The following EVC2 variants were observed in gnomAD, a reference collection of about 807,000 sequenced individuals.
EVC2 encodes the protein limbin.
A neutral mutation model predicts 149.3 loss-of-function variants in EVC2; 148 were observed. The observed-to-expected ratio is 0.99, with a 90% CI of 0.87 to 1.14. The LOEUF is 1.14. EVC2 is among the 50% of genes most tolerant of loss of function. EVC2 has a pLI of 0.00. For synonymous variants in EVC2, 776 were observed against 649.9 expected (o/e 1.19, Z -2.95); for missense variants, 1,854 against 1,627.3 (o/e 1.14, Z -2.40).
At chr4:5,566,704 G>A (rs899282474) in intron 20 of EVC2, among the ~76,000 whole-genome samples, 9 of 152,094 alleles carry the variant, frequency 5.9e-5, no homozygotes, top group Non-Finnish European at 1.2e-4. Flanking sequence ...TCATGCCCAT[G>A]GTGACATTGA....
chr4:5,530,271 T>C, the EVC2 span, among the ~76,000 whole-genome samples: 2 of 152,198 alleles, frequency 1.3e-5, no homozygotes, highest in Non-Finnish European at 2.9e-5. Context: ...TAGGCCATTC[T>C]TCAATGCTTC....
In EVC2 at chr4:5,579,033, T is replaced by C. The variant is rs558437789; in HGVS notation, c.3058-2579A>G. 2.0e-5 allele frequency among the ~76,000 whole-genome samples: 3 copies of C among 152,182 alleles called. No individual in the cohort carries two copies. The South Asian group carries it at 6.2e-4, about 32-fold the overall frequency. On this transcript the variant is annotated intron_variant, in intron 17 of 21. Transcript: ENST00000344408. ...CAATGCTCAGGGGGCAGCAAGAAGG[T>C]CCAGGGGCTAAAATGCAGGATCTGA...
chr4:5,607,915 G>A (rs1221130257), intron 16 of EVC2, among the ~76,000 whole-genome samples: 1 of 151,870 alleles, frequency 6.6e-6, no homozygotes, highest in Non-Finnish European at 1.5e-5. Context: ...GAAGGGCAAG[G>A]AGAAGACAGA....
chr4:5,617,865 C>G (rs1316221958), intron 15 of EVC2, among the ~76,000 whole-genome samples: 1 of 152,144 alleles, frequency 6.6e-6, no homozygotes, highest in South Asian at 2.1e-4. Context: ...AACAAGGGAA[C>G]AGGACAGGAA....
chr4:5,534,119 T>G, the EVC2 span, among the ~76,000 whole-genome samples: 1 of 140,250 alleles, frequency 7.1e-6, no homozygotes, highest in Admixed American at 7.4e-5. Context: ...AAGATCAGCC[T>G]GGCTGCTCTG....
At chr4:5,568,689 G>T in intron 19 of EVC2, 49 bp from the exon 20 acceptor site, 2 of 1,555,124 alleles carry the variant, frequency 1.3e-6, no homozygotes, top group Non-Finnish European at 1.7e-6. Flanking sequence ...CTCTCAACTT[G>T]AACCATCATT....
At chr4:5,606,111 C>G (rs79802447) in intron 16 of EVC2, among the ~76,000 whole-genome samples, 197 of 152,316 alleles carry the variant, frequency 1.3e-3, no homozygotes, top group African/African-American at 4.3e-3. Context: ...TACTCCCCAC[C>G]AAATATTCTC....
rs552924341 is a variant in EVC2 at position 5,571,272 on chromosome 4, C to G, written c.3361-2632G>C. 4.3e-5 allele frequency among the ~76,000 whole-genome samples: 6 copies of G among 139,200 alleles called. No individual in the cohort carries two copies. The South Asian group carries it at 7.7e-4, about 18-fold the overall frequency. 91.3% of individuals were successfully genotyped at this position (139,200 alleles called of 152,430 possible). On this transcript the variant is annotated intron_variant, in intron 19 of 21. Transcript: ENST00000344408. Reference sequence around the variant, plus strand: ...GGTGGAGGTTGCAGTGAGCCAAGATCGCGCCACTGCACTCCAGCCTGGGTG... The same window carrying G: ...GGTGGAGGTTGCAGTGAGCCAAGATGGCGCCACTGCACTCCAGCCTGGGTG...
intron 9 of EVC2, among the ~76,000 whole-genome samples, chr4:5,653,721 G>A (rs1220857030): frequency 6.6e-6 from 1 of 152,184 alleles, no homozygotes; most frequent in African/African-American, 2.4e-5. Flanking sequence ...AAGGGAAACT[G>A]GGTCTGGGAG....
At chr4:5,607,168 G>T (rs1714459345) in intron 16 of EVC2, among the ~76,000 whole-genome samples, 1 of 152,146 alleles carries the variant, frequency 6.6e-6, no homozygotes, top group South Asian at 2.1e-4. Context: ...AGCTGAGAGA[G>T]AAAGGGAGGG....
At chr4:5,530,603 C>G in the EVC2 span, among the ~76,000 whole-genome samples, 1 of 152,040 alleles carries the variant, frequency 6.6e-6, no homozygotes, top group African/African-American at 2.4e-5. Context: ...ATATTATGAA[C>G]CATAGTCCTC....
chr4:5,584,202 G>A (rs943410487), intron 17 of EVC2, among the ~76,000 whole-genome samples: 2 of 152,028 alleles, frequency 1.3e-5, no homozygotes, highest in Non-Finnish European at 2.9e-5. Flanking sequence ...TTTGTTTTAC[G>A]GATATACCTC....
chr4:5,574,934 G>T (rs1006585100), intron 18 of EVC2, among the ~76,000 whole-genome samples, 162 bp from the exon 19 acceptor site: 2 of 152,166 alleles, frequency 1.3e-5, no homozygotes, highest in Admixed American at 6.5e-5. Context: ...TCCTTTTCTT[G>T]CCTAGGCTAC....
Position 5,708,269 on chromosome 4 carries a change from G to C in EVC2, c.228+17C>G, listed in dbSNP as rs533578454. ...CCACTACAGTCAGACCGGAGCCTGG[G>C]GTCGGGCCCTCCTTACCTGCGTGCT... is the stretch of plus-strand genomic sequence containing the variant. On this transcript the variant is annotated intron_variant, in intron 1 of 21. Transcript: ENST00000344408. 2.0e-6 allele frequency: 3 copies of C among 1,474,312 alleles called. No individual in the cohort carries two copies. Among genetic ancestry groups the C allele is most frequent in the African/African-American group, 1.5e-5 (1 of 68,194 alleles). 91.3% of individuals were successfully genotyped at this position (1,474,312 alleles called of 1,614,324 possible). A position where few individuals can be genotyped will look rare whatever the true frequency, so the allele number is the denominator to read the frequency against.
chr4:5,595,795 C>A (rs1478647211), intron 16 of EVC2, among the ~76,000 whole-genome samples: 1 of 152,154 alleles, frequency 6.6e-6, no homozygotes, highest in African/African-American at 2.4e-5. Context: ...AGAGTCAAGA[C>A]CCATCTGTGT....
chr4:5,704,602 C>T (rs1722022286), intron 1 of EVC2, among the ~76,000 whole-genome samples: 1 of 152,102 alleles, frequency 6.6e-6, no homozygotes, highest in South Asian at 2.1e-4. Flanking sequence ...AAGAAGAGAA[C>T]CCAGCACTGA....
rs949572332 is a variant in EVC2, at chr4:5,622,147, G to C, written c.2501+390C>G. 6.6e-6 allele frequency among the ~76,000 whole-genome samples: 1 copy of C among 152,050 alleles called. No individual in the cohort carries two copies. Among genetic ancestry groups the C allele is most frequent in the Non-Finnish European group, 1.5e-5 (1 of 68,002 alleles). On this transcript the variant is annotated intron_variant, in intron 14 of 21. Transcript: ENST00000344408. The surrounding 1 kb of genome is among the most constrained non-coding windows in gnomAD (Gnocchi z 5.8). ...CTCCCCTTCCCCCTCTGCTCCTGTG[G>C]ATCATGTCCCCTCCCCAGGGGACAT... is the stretch of plus-strand genomic sequence containing the variant.
intron 7 of EVC2, among the ~76,000 whole-genome samples, chr4:5,669,006 C>G (rs377041303): frequency 1.3e-5 from 2 of 152,152 alleles, no homozygotes; most frequent in East Asian, 3.9e-4. Context: ...TAGACACACA[C>G]AGAAAAGATG....
At chr4:5,568,079 A>G (rs1238611621) in intron 20 of EVC2, among the ~76,000 whole-genome samples, 2 of 152,200 alleles carry the variant, frequency 1.3e-5, no homozygotes, top group Non-Finnish European at 2.9e-5. Flanking sequence ...ACATACCAAC[A>G]CACAAACACA....
Sources: allele counts gnomAD v4.1 joint callset (sites outside exome capture counted in the v4.1 genomes callset), GRCh38; gene constraint gnomAD v4.1.1; non-coding constraint Gnocchi (gnomAD v3.1); transcripts MANE v1.5; gene names NCBI Gene and HGNC (gene_info 2026-07-23, HGNC 2026-07-21).